Variants in EFL1 observed in about 807,000 individuals in gnomAD.
EFL1 encodes elongation factor like GTPase 1.
EFL1 carries 76 observed loss-of-function variants against 126.7 expected under a neutral mutation model. That is an observed-to-expected ratio of 0.60 (90% CI 0.50 to 0.73). The LOEUF (loss-of-function observed/expected upper bound fraction) is 0.73. Ranked by LOEUF, EFL1 falls within the 30% of genes least tolerant of loss-of-function variation. The probability of loss-of-function intolerance (pLI) is 0.00; values close to 1 mark genes in which losing one functional copy is unlikely to be tolerated. For synonymous variants in EFL1, 410 were observed against 448.4 expected, an observed-to-expected ratio of 0.91 and a Z score of 1.08; for missense variants, 1,128 against 1,343.2, an observed-to-expected ratio of 0.84 and a Z score of 2.50.
At chr15:82,225,346 A>C in intron 11 of EFL1, 82 bp from the exon 12 acceptor site, 1 of 1,116,810 alleles carries the variant, frequency 9.0e-7, no homozygotes, top group Non-Finnish European at 1.2e-6. Flanking sequence ...AACAATTAAA[A>C]TGTTTAGAAC....
chr15:82,253,639 C>A (rs1325123001), intron 3 of EFL1, among the ~76,000 whole-genome samples: 1 of 152,124 alleles, frequency 6.6e-6, no homozygotes, highest in Admixed American at 6.5e-5. Context: ...AAACAGAAGT[C>A]TCTAGAAGCA....
At chr15:82,255,745 T>C (rs2075061222) in intron 3 of EFL1, among the ~76,000 whole-genome samples, 1 of 152,222 alleles carries the variant, frequency 6.6e-6, no homozygotes, top group South Asian at 2.1e-4. Flanking sequence ...GGTTCATCTT[T>C]TTCCCACAGA....
At chr15:82,188,407 TC>T (rs1410968720) in intron 15 of EFL1, among the ~76,000 whole-genome samples, 2 of 152,308 alleles carry the variant, frequency 1.3e-5, no homozygotes, top group African/African-American at 4.8e-5. Flanking sequence ...GAAGTTTTCT[TC>T]ATTCCTTTCT....
chr15:82,210,841 G>A (rs573727611), intron 15 of EFL1, among the ~76,000 whole-genome samples: 4 of 137,532 alleles, frequency 2.9e-5, no homozygotes, highest in African/African-American at 8.3e-5. Context: ...CAGCCTGGGC[G>A]ACAAGAGGGA....
intron 7 of EFL1, among the ~76,000 whole-genome samples, chr15:82,232,578 T>C (rs893031171): frequency 6.6e-6 from 1 of 152,208 alleles, no homozygotes; most frequent in Non-Finnish European, 1.5e-5. Context: ...CACTAGTAAA[T>C]GTGTCAATTA....
At chr15:82,195,908 T>C (rs2074403213) in intron 15 of EFL1, among the ~76,000 whole-genome samples, 1 of 152,042 alleles carries the variant, frequency 6.6e-6, no homozygotes, top group South Asian at 2.1e-4. Context: ...ATCAATGTTC[T>C]AAGGGAGATC....
At chr15:82,165,844 T>G (rs1452033123) in intron 15 of EFL1, among the ~76,000 whole-genome samples, 2 of 152,228 alleles carry the variant, frequency 1.3e-5, no homozygotes, top group Non-Finnish European at 2.9e-5. Flanking sequence ...AGACCTTTTG[T>G]GTGCATGGGA....
At chr15:82,209,344 C>T (rs1054729494) in intron 15 of EFL1, among the ~76,000 whole-genome samples, 2 of 134,502 alleles carry the variant, frequency 1.5e-5, no homozygotes, top group South Asian at 2.2e-4. Flanking sequence ...CACACACACA[C>T]ACACACACAG....
At chr15:82,177,441 C>T (rs899924993) in intron 15 of EFL1, among the ~76,000 whole-genome samples, 1 of 152,078 alleles carries the variant, frequency 6.6e-6, no homozygotes, top group Non-Finnish European at 1.5e-5. Flanking sequence ...GCTTTCATTG[C>T]GAAGTCTTTA....
chr15:82,219,980 G>A (rs1363646425), intron 13 of EFL1, 98 bp downstream of exon 13: 55 of 1,498,318 alleles, frequency 3.7e-5, no homozygotes, highest in Non-Finnish European at 4.4e-5. Context: ...TAAAAACTAC[G>A]ATTAAAGCTT....
chr15:82,151,467 A>C lies in EFL1; in HGVS notation c.2987T>G (p.Leu996Arg). The C allele has an allele frequency of 6.2e-7, 1 of 1,604,170 alleles. No individual in the cohort carries two copies. The highest frequency in any genetic ancestry group is 8.5e-7 in the Non-Finnish European group (1 of 1,176,078). ...TATCTTTACCTTTTCTTCCTTACCGAGAACATCACCAGTGGCCATGATGTC... is the reference window on the plus strand; with the variant it reads ...TATCTTTACCTTTTCTTCCTTACCGCGAACATCACCAGTGGCCATGATGTC... Reference protein sequence around the residue: ...TCDIMATGDVLGRVYAVLSKR... With the variant: ...TCDIMATGDVRGRVYAVLSKR... Residue 996 changes from leucine to arginine, a missense_variant and splice_region_variant, in exon 18 of 20, where the codon CTC (leucine) becomes CGC (arginine). Transcript: ENST00000268206.
chr15:82,212,740 A>T (rs1222859373), intron 15 of EFL1, among the ~76,000 whole-genome samples: 1 of 152,200 alleles, frequency 6.6e-6, no homozygotes, highest in South Asian at 2.1e-4. Context: ...CACAACCCCA[A>T]TATCTTTTGC....
intron 15 of EFL1, among the ~76,000 whole-genome samples, chr15:82,213,218 A>G (rs1002249123): frequency 6.6e-6 from 1 of 152,216 alleles, no homozygotes; most frequent in East Asian, 1.9e-4. Context: ...TTAGTCTTAT[A>G]TAAGTAAATT....
At chr15:82,162,496 G>A (rs1567045860) in intron 16 of EFL1, among the ~76,000 whole-genome samples, 1 of 152,150 alleles carries the variant, frequency 6.6e-6, no homozygotes, top group Non-Finnish European at 1.5e-5. Flanking sequence ...CGGTAGACAG[G>A]GGTTAGAGCC....
chr15:82,244,344 G>A (rs1032204906), intron 4 of EFL1, among the ~76,000 whole-genome samples: 14 of 152,054 alleles, frequency 9.2e-5, no homozygotes, highest in Admixed American at 9.2e-4. Flanking sequence ...GGTTTACCAT[G>A]GTAGATATTA....
At chr15:82,217,373 G>GGAAAAAAA (rs1429392936) in intron 14 of EFL1, among the ~76,000 whole-genome samples, 2 of 27,150 alleles carry the variant, frequency 7.4e-5, no homozygotes, top group Non-Finnish European at 1.4e-4. Flanking sequence ...GATTAGATTT[G>GGAAAAAAA]AAAAAAAAAA....
At chr15:82,156,846 A>T (rs1227054477) in intron 17 of EFL1, among the ~76,000 whole-genome samples, 1 of 152,262 alleles carries the variant, frequency 6.6e-6, no homozygotes, top group Non-Finnish European at 1.5e-5. Context: ...AGAAATGTAT[A>T]TTAACCATGA....
rs553659570 is a variant in EFL1 at position 82,262,658 on chromosome 15, A to G, written c.-64T>C. On this transcript the variant is annotated 5_prime_UTR_variant, in exon 1 of 20. Transcript: ENST00000268206. The stretch of plus-strand genomic sequence containing the variant: ...AGCCCCGCTCCTTCTCTCGGGTCGC[A>G]CCCACACCGAGAGCTTCCGAAAGTC... 1.5e-4 allele frequency: 76 copies of G among 515,514 alleles called. 1 individual carries two copies. In the East Asian group the frequency reaches 2.8e-3, roughly 19 times the overall value. The allele number at this position is 515,514 out of a possible 1,614,324, so 31.9% of individuals were successfully genotyped here.
chr15:82,220,305 G>A (rs572640945), intron 12 of EFL1, 76 bp from the exon 13 acceptor site: 4 of 1,494,480 alleles, frequency 2.7e-6, no homozygotes, highest in South Asian at 1.4e-5. Context: ...ACATGGCTGG[G>A]TAAGATGAAG....
Sources: allele counts gnomAD v4.1 joint callset (sites outside exome capture counted in the v4.1 genomes callset), GRCh38; gene constraint gnomAD v4.1.1; transcripts MANE v1.5; gene names NCBI Gene and HGNC (gene_info 2026-07-23, HGNC 2026-07-21).